The following ARHGAP29 variants were observed in gnomAD, a reference collection of about 807,000 sequenced individuals.
ARHGAP29 encodes the protein rho GTPase-activating protein 29.
Under a neutral mutation model 122.6 loss-of-function variants are expected in ARHGAP29, and 43 were observed. The ratio of observed to expected loss-of-function variants is 0.35; its 90% CI spans 0.27 to 0.45. ARHGAP29 has a LOEUF of 0.45. ARHGAP29 is among the 20% of genes least tolerant of loss of function. The pLI, the probability that ARHGAP29 is intolerant of heterozygous loss-of-function variation, is 1.00. For missense variants in ARHGAP29, 1,303 were observed against 1,477.2 expected (o/e 0.88, Z 1.93); for synonymous variants, 506 against 497.1 (o/e 1.02, Z -0.24).
intron 1 of ARHGAP29, among the ~76,000 whole-genome samples, chr1:94,252,944 G>C (rs1654156926): frequency 6.6e-6 from 1 of 151,902 alleles, no homozygotes; most frequent in South Asian, 2.1e-4. Flanking sequence ...AGAATCAAAG[G>C]GATCTTAGAG....
At chr1:94,307,104 T>G in the ARHGAP29 span, among the ~76,000 whole-genome samples, 1 of 152,194 alleles carries the variant, frequency 6.6e-6, no homozygotes, top group African/African-American at 2.4e-5. Flanking sequence ...AAAAGTACCT[T>G]CATTTTTTTT....
At chr1:94,259,866 G>A (rs1654492105) in intron 1 of ARHGAP29, among the ~76,000 whole-genome samples, 1 of 152,232 alleles carries the variant, frequency 6.6e-6, no homozygotes, top group Admixed American at 6.5e-5. Context: ...AGGAATCTGT[G>A]TTGGAAGTTT....
intron 17 of ARHGAP29, 137 bp from the exon 18 acceptor site, chr1:94,185,197 AATAAAAT>A: frequency 8.3e-7 from 1 of 1,211,602 alleles, no homozygotes; most frequent in Non-Finnish European, 1.1e-6. Context: ...TTAACAACAA[AATAAAAT>A]ATAAAATTAT....
chr1:94,293,905 C>T, the ARHGAP29 span, among the ~76,000 whole-genome samples: 1 of 152,174 alleles, frequency 6.6e-6, no homozygotes, highest in Non-Finnish European at 1.5e-5. Context: ...TCTTCAGCCC[C>T]TCTCCCCTCT....
upstream of ARHGAP29, among the ~76,000 whole-genome samples, chr1:94,239,929 C>A (rs1233253929): frequency 4.6e-5 from 7 of 152,284 alleles, no homozygotes; most frequent in African/African-American, 1.7e-4. Flanking sequence ...AAAACAAAGA[C>A]TCCTTCAAAC....
At chr1:94,175,025 T>C (rs772318241) in intron 22 of ARHGAP29, among the ~76,000 whole-genome samples, 16 of 152,172 alleles carry the variant, frequency 1.1e-4, no homozygotes, top group Non-Finnish European at 2.2e-4. Flanking sequence ...TTAAGTGCTG[T>C]GCATGAACAA....
Position 94,205,065 on chromosome 1 carries a change from G to A in ARHGAP29, c.693C>T (p.Asn231=). Residue 231 remains asparagine (N), a synonymous_variant, in exon 7 of 23, where the codon AAC becomes AAT. Coordinates refer to ENST00000260526, the MANE Select transcript of ARHGAP29 (RefSeq NM_004815.4). ...ATGCTTTAAAAGGCAACTCACCCAA[G>A]TTAAGCTTTTTTTCAACCCATGAAA... ...NIVSWVEKKL[N]LELESTRNMV... is the part of the protein sequence containing the mutation. 6.4e-7 allele frequency: 1 copy of A among 1,559,192 alleles called. No homozygotes were observed. The highest frequency in any genetic ancestry group is 8.6e-7 in the Non-Finnish European group (1 of 1,159,452).
chr1:94,186,370 C>T (rs945929215), intron 16 of ARHGAP29, 129 bp downstream of exon 16: 3 of 565,240 alleles, frequency 5.3e-6, no homozygotes, highest in South Asian at 3.0e-5. Context: ...ATATTTAAGT[C>T]ATGGTGAATT....
At position 94,174,163 on chromosome 1, in the gene ARHGAP29, T is replaced by C. The variant is rs143220417; in HGVS notation, c.3492A>G (p.Thr1164=). Reference sequence around the variant, plus strand: ...TGGGAGCATGTGGTTTATAAAATGTTGTCCAATGTTGAGGCTGCAGTGTTC... The same window carrying C: ...TGGGAGCATGTGGTTTATAAAATGTCGTCCAATGTTGAGGCTGCAGTGTTC... ...APRTLQPQHW[T]TFYKPHAPII... is the part of the protein sequence containing the mutation. The change falls in exon 23 of 23, where the codon ACA becomes ACG. Residue 1164 remains threonine (T), a synonymous_variant. Coordinates refer to ENST00000260526, the MANE Select transcript of ARHGAP29 (RefSeq NM_004815.4). 4 of 1,614,066 alleles carry C rather than the reference T, an allele frequency of 2.5e-6. No homozygotes were observed. In the African/African-American group the frequency reaches 5.3e-5, roughly 22 times the overall value.
rs559162661 is a variant in ARHGAP29, at chr1:94,216,314, A to G, written c.340+3944T>C. Among the ~76,000 whole-genome samples, 10 of 152,346 alleles carry G rather than the reference A, an allele frequency of 6.6e-5. No individual in the cohort carries two copies. The East Asian group carries it at 1.2e-3, about 18-fold the overall frequency. On this transcript the variant is annotated intron_variant, in intron 3 of 22. Coordinates refer to ENST00000260526, the MANE Select transcript of ARHGAP29 (RefSeq NM_004815.4). ...ATTACCATACAGCTTTGAAGAAACA[A>G]TAACAAAAGAATGAGGAAACCCTTT...
chr1:94,252,589 T>C (rs898306231), intron 1 of ARHGAP29, among the ~76,000 whole-genome samples: 1 of 152,112 alleles, frequency 6.6e-6, no homozygotes, highest in Non-Finnish European at 1.5e-5. Flanking sequence ...AAGGGTATAC[T>C]TACATCAGTA....
At chr1:94,253,979 C>G (rs1244182330) in intron 1 of ARHGAP29, among the ~76,000 whole-genome samples, 1 of 152,198 alleles carries the variant, frequency 6.6e-6, no homozygotes, top group Non-Finnish European at 1.5e-5. Context: ...GATAAGATTA[C>G]ATTTTATAGT....
rs559466123 is a variant in ARHGAP29, at chr1:94,187,181, A to G, written c.1682-584T>C. ...CTATGTCAGCAAAGGACACTGCCAT[A>G]TGTATCAAAGCATGTTTGGAAGCAG... On this transcript the variant is annotated intron_variant, in intron 15 of 22. Transcript: ENST00000260526. 4.6e-5 allele frequency among the ~76,000 whole-genome samples: 7 copies of G among 152,356 alleles called. No homozygotes were observed. The East Asian group carries it at 9.6e-4, about 21-fold the overall frequency.
chr1:94,206,094 G>GAAAGTCT (rs1208705140), intron 5 of ARHGAP29, among the ~76,000 whole-genome samples: 1 of 152,156 alleles, frequency 6.6e-6, no homozygotes, highest in Non-Finnish European at 1.5e-5. Flanking sequence ...GCATGTCTCT[G>GAAAGTCT]AAAGTCTATT....
At chr1:94,302,053 G>T in the ARHGAP29 span, 2 of 254,644 alleles carry the variant, frequency 7.9e-6, no homozygotes, top group Non-Finnish European at 1.6e-5. Flanking sequence ...GAAAGTGAAG[G>T]CCAGAGTAAA....
intron 2 of ARHGAP29, among the ~76,000 whole-genome samples, chr1:94,224,330 T>G (rs1022917219): frequency 2.0e-5 from 3 of 152,220 alleles, no homozygotes; most frequent in African/African-American, 7.2e-5. Flanking sequence ...TCCCCTATTC[T>G]AATGTTTTAC....
chr1:94,306,848 C>T, the ARHGAP29 span, among the ~76,000 whole-genome samples: 3 of 152,142 alleles, frequency 2.0e-5, no homozygotes, highest in South Asian at 6.2e-4. Context: ...AAGAAAGTAT[C>T]TCAAGTGTAA....
At chr1:94,307,318 T>A in the ARHGAP29 span, among the ~76,000 whole-genome samples, 116 of 152,338 alleles carry the variant, frequency 7.6e-4, no homozygotes, top group African/African-American at 2.7e-3. Flanking sequence ...CCACAACTGT[T>A]TCATATTGTC....
intron 1 of ARHGAP29, among the ~76,000 whole-genome samples, chr1:94,237,158 C>T (rs562496856): frequency 2.8e-4 from 42 of 152,240 alleles, no homozygotes; most frequent in Admixed American, 5.2e-4. Context: ...CTGCTCCCGG[C>T]CACCGCTGGC....
Sources: gnomAD v4.1 joint callset for allele counts (sites outside exome capture counted in the v4.1 genomes callset) on GRCh38, gnomAD v4.1.1 for gene constraint, MANE v1.5 for transcripts, NCBI Gene and HGNC (gene_info 2026-07-23, HGNC 2026-07-21) for gene names.